The following VASH2 variants were observed in gnomAD, a reference collection of about 807,000 sequenced individuals.
The protein encoded by VASH2 is vasohibin 2.
A neutral mutation model predicts 37.2 loss-of-function variants in VASH2; 28 were observed. That is an observed-to-expected ratio of 0.75 (90% CI 0.56 to 1.03). VASH2 has a LOEUF of 1.03. Ranked by LOEUF, VASH2 falls within the 50% of genes least tolerant of loss-of-function variation. The probability of loss-of-function intolerance (pLI) is 0.00; values close to 1 mark genes in which losing one functional copy is unlikely to be tolerated. For synonymous variants in VASH2, 188 were observed against 174.7 expected, an observed-to-expected ratio of 1.08 and a Z score of -0.60; for missense variants, 419 against 459.1, an observed-to-expected ratio of 0.91 and a Z score of 0.80.
intron 6 of VASH2, chr1:212,973,542 A>G (rs1324678629): frequency 1.6e-6 from 2 of 1,288,682 alleles, no homozygotes; most frequent in Non-Finnish European, 2.0e-6. Flanking sequence ...CTGATCAATT[A>G]AAACCATTCT....
chr1:212,984,009 C>A (rs1385625429), intron 7 of VASH2, among the ~76,000 whole-genome samples: 2 of 152,178 alleles, frequency 1.3e-5, no homozygotes, highest in Admixed American at 6.5e-5. Flanking sequence ...CAGTATCAAC[C>A]CCGTGGGTTA....
intron 4 of VASH2, 89 bp from the exon 5 acceptor site, chr1:212,966,182 G>A (rs1025938709): frequency 3.5e-6 from 4 of 1,158,924 alleles, no homozygotes; most frequent in Non-Finnish European, 5.0e-6. Flanking sequence ...GGTTCCTGGT[G>A]TGGGGACAGG....
intron 3 of VASH2, among the ~76,000 whole-genome samples, chr1:212,965,224 G>T (rs1222290043): frequency 1.3e-5 from 2 of 152,140 alleles, no homozygotes; most frequent in Non-Finnish European, 2.9e-5. Flanking sequence ...CCTTCTGCCA[G>T]GTTTTATGGG....
intron 2 of VASH2, among the ~76,000 whole-genome samples, chr1:212,953,197 T>G (rs1666375090): frequency 6.6e-6 from 1 of 151,548 alleles, no homozygotes; most frequent in Non-Finnish European, 1.5e-5. Flanking sequence ...TAATTGTGCT[T>G]TTATCCTTCC....
Position 212,988,621 on chromosome 1 carries a change from G to A in VASH2, c.*37G>A, listed in dbSNP as rs753322116. ...CGGCCAGCAAGAGGGTTTCTGTGGT[G>A]CTTCTCTCTGCACTTTACCCAGCAT... On this transcript the variant is annotated 3_prime_UTR_variant, in exon 8 of 8. Coordinates refer to ENST00000517399, the MANE Select transcript of VASH2 (RefSeq NM_001301056.2). The A allele has an allele frequency of 1.3e-6, 2 of 1,598,512 alleles. No individual in the cohort carries two copies. The highest frequency in any genetic ancestry group is 1.7e-6 in the Non-Finnish European group (2 of 1,166,068).
At chr1:212,980,198 C>T (rs1667303829) in intron 7 of VASH2, among the ~76,000 whole-genome samples, 1 of 152,238 alleles carries the variant, frequency 6.6e-6, no homozygotes, top group South Asian at 2.1e-4. Flanking sequence ...CTTTCCATTT[C>T]TGACAGTTCA....
intron 2 of VASH2, among the ~76,000 whole-genome samples, chr1:212,958,926 G>A (rs535498791): frequency 6.6e-6 from 1 of 151,254 alleles, no homozygotes; most frequent in East Asian, 2.0e-4. Context: ...ATGGGGTCTC[G>A]CCATGTTGCC....
chr1:212,983,378 A>G (rs573423587), intron 7 of VASH2, among the ~76,000 whole-genome samples: 13 of 152,320 alleles, frequency 8.5e-5, no homozygotes, highest in Non-Finnish European at 1.3e-4. Flanking sequence ...TTCTTGTTGC[A>G]CTGTCCCATG....
In VASH2 at chr1:212,961,150, C is replaced by T. The variant is rs770761392; in HGVS notation, c.277-16C>T. ...GCCTCCTTCATAAACACCTCCTCTTCTCTATTTTTCTGCAGCCTTCAATAC... is the reference window on the plus strand; with the variant it reads ...GCCTCCTTCATAAACACCTCCTCTTTTCTATTTTTCTGCAGCCTTCAATAC... On this transcript the variant is annotated splice_polypyrimidine_tract_variant and intron_variant, in intron 2 of 7. Coordinates refer to ENST00000517399, the MANE Select transcript of VASH2 (RefSeq NM_001301056.2). 5.0e-6 allele frequency: 8 copies of T among 1,613,968 alleles called. No individual in the cohort carries two copies. Among genetic ancestry groups the T allele is most frequent in the Non-Finnish European group, 6.8e-6 (8 of 1,179,878 alleles).
intron 2 of VASH2, among the ~76,000 whole-genome samples, chr1:212,958,356 G>T (rs897598822): frequency 6.6e-6 from 1 of 152,190 alleles, no homozygotes; most frequent in Non-Finnish European, 1.5e-5. Context: ...CTCCCGTTGG[G>T]CAGGAAGTGT....
chr1:212,961,129 C>A (rs1181456158), intron 2 of VASH2, 37 bp from the exon 3 acceptor site: 1 of 1,608,850 alleles, frequency 6.2e-7, no homozygotes, highest in Non-Finnish European at 8.5e-7. Context: ...CAGAGCGCCT[C>A]CTTCATAAAC....
Position 212,990,378 on chromosome 1 carries a change from C to G in VASH2, c.*1794C>G, listed in dbSNP as rs1392581090. ...TTTATCTACACACAGCAAACCCATT[C>G]GCAGCCTCTTGGCCACATGTATTCA... On this transcript the variant is annotated 3_prime_UTR_variant, in exon 8 of 8. Transcript: ENST00000517399. 2.0e-5 allele frequency: 3 copies of G among 152,180 alleles called. No homozygotes were observed. The highest frequency in any genetic ancestry group is 2.0e-4 in the Admixed American group (3 of 15,274). 9.4% of individuals were successfully genotyped at this position (152,180 alleles called of 1,614,324 possible).
At chr1:212,962,771 G>C (rs1666716837) in intron 3 of VASH2, among the ~76,000 whole-genome samples, 2 of 152,214 alleles carry the variant, frequency 1.3e-5, no homozygotes, top group Non-Finnish European at 1.5e-5. Context: ...CTCCAAGAGT[G>C]AGGCTGGCAG....
intron 7 of VASH2, among the ~76,000 whole-genome samples, chr1:212,983,209 A>AT (rs1265202414): frequency 1.3e-5 from 2 of 152,170 alleles, no homozygotes; most frequent in African/African-American, 4.8e-5. Flanking sequence ...ATGATTATGA[A>AT]TTGGCAGGAT....
At chr1:212,957,480 T>C (rs950240171) in intron 2 of VASH2, among the ~76,000 whole-genome samples, 2 of 152,198 alleles carry the variant, frequency 1.3e-5, no homozygotes, top group African/African-American at 4.8e-5. Context: ...CTTCATGATG[T>C]GAAGCTCCCA....
intron 5 of VASH2, chr1:212,968,584 C>G (rs1666916752): frequency 1.0e-6 from 1 of 985,504 alleles, no homozygotes; most frequent in Non-Finnish European, 1.2e-6. Flanking sequence ...CTTACTGAGG[C>G]CCCTCCCCAA....
At chr1:212,963,634 G>A (rs1188922286) in intron 3 of VASH2, among the ~76,000 whole-genome samples, 1 of 152,200 alleles carries the variant, frequency 6.6e-6, no homozygotes, top group East Asian at 1.9e-4. Context: ...TGGGGGAGAA[G>A]CCTTCTAACA....
At chr1:212,974,529 G>C (rs1373839948) in intron 7 of VASH2, 1 of 152,292 alleles carries the variant, frequency 6.6e-6, no homozygotes, top group Non-Finnish European at 1.5e-5. Context: ...ACCATCAGTG[G>C]ACGGTGGCAT....
At chr1:212,966,557 C>A (rs904003130) in intron 5 of VASH2, among the ~76,000 whole-genome samples, 1 of 152,200 alleles carries the variant, frequency 6.6e-6, no homozygotes, top group Non-Finnish European at 1.5e-5. Flanking sequence ...ATCAGTCTAA[C>A]CTGTGAGCTT....
Sources: gnomAD v4.1 joint callset for allele counts (sites outside exome capture counted in the v4.1 genomes callset) on GRCh38, gnomAD v4.1.1 for gene constraint, MANE v1.5 for transcripts, NCBI Gene and HGNC (gene_info 2026-07-23, HGNC 2026-07-21) for gene names.